Variants in FGF14 observed in about 807,000 individuals in gnomAD.
FGF14 encodes the protein fibroblast growth factor homologous factor 4.
FGF14 carries 5 observed loss-of-function variants against 25.5 expected under a neutral mutation model. The ratio of observed to expected loss-of-function variants is 0.20; its 90% CI spans 0.10 to 0.41. FGF14 has a LOEUF of 0.41. Ranked by LOEUF, FGF14 falls within the 10% of genes least tolerant of loss-of-function variation. The pLI is 1.00. For synonymous variants in FGF14, 138 were observed against 118.3 expected, an observed-to-expected ratio of 1.17 and a Z score of -1.08; for missense variants, 222 against 320.1, an observed-to-expected ratio of 0.69 and a Z score of 2.34.
rs1302545776 is a variant in FGF14 at position 101,815,767 on chromosome 13, A to G, written c.408+52958T>C. Among the ~76,000 whole-genome samples, 5 of 152,182 alleles carry G rather than the reference A, an allele frequency of 3.3e-5. No individual in the cohort carries two copies. The East Asian group carries it at 9.7e-4, about 30-fold the overall frequency. On this transcript the variant is annotated intron_variant, in intron 3 of 4. Coordinates refer to ENST00000376143, the MANE Select transcript of FGF14 (RefSeq NM_004115.4). ...GTAGATTTCTCCTAAGCACTTTATC[A>G]AGAAGAAACTCGGTGGTTCTGAGTG...
At chr13:101,916,364 A>C (rs1305696463) in intron 1 of FGF14, 89 bp downstream of exon 1, 5 of 1,520,806 alleles carry the variant, frequency 3.3e-6, no homozygotes, top group Non-Finnish European at 4.6e-6. Flanking sequence ...GGCCGGGAAA[A>C]CCGAGGGAGG....
intron 3 of FGF14, among the ~76,000 whole-genome samples, chr13:101,782,917 G>C (rs1221879773): frequency 6.6e-6 from 1 of 152,118 alleles, no homozygotes; most frequent in African/African-American, 2.4e-5. Flanking sequence ...TGAGTCAAAT[G>C]GCATTTCTGT....
At chr13:101,732,924 T>A (rs1201720788) in intron 3 of FGF14, among the ~76,000 whole-genome samples, 2 of 152,114 alleles carry the variant, frequency 1.3e-5, no homozygotes, top group Non-Finnish European at 2.9e-5. Flanking sequence ...TCTACTAGAG[T>A]TTATCTGAGG....
intron 1 of FGF14, among the ~76,000 whole-genome samples, chr13:102,142,941 T>C (rs1039259754): frequency 6.6e-6 from 1 of 151,856 alleles, no homozygotes; most frequent in East Asian, 1.9e-4. Flanking sequence ...AATGCTCTAC[T>C]AAAATCTACA....
rs1019412843 is a variant in FGF14, at chr13:101,799,570, G to A, written c.408+69155C>T. The stretch of plus-strand genomic sequence containing the variant: ...TGCGTGGCAATGACAGAAACAGTGA[G>A]CAGCCGATCATTTGGGGGAAATTGA... On this transcript the variant is annotated intron_variant, in intron 3 of 4. Transcript: ENST00000376143. Among the ~76,000 whole-genome samples, 12 of 152,242 alleles carry A rather than the reference G, an allele frequency of 7.9e-5. No individual in the cohort carries two copies. In the East Asian group the frequency reaches 1.7e-3, roughly 22 times the overall value.
chr13:102,061,109 G>A (rs2042669696), intron 1 of FGF14, among the ~76,000 whole-genome samples: 3 of 152,198 alleles, frequency 2.0e-5, no homozygotes, highest in South Asian at 2.1e-4. Context: ...TCGGCTGAGA[G>A]CTACTTCCAC....
In FGF14 at chr13:101,869,296, A is replaced by T. The variant is rs1427067062; in HGVS notation, c.305-468T>A. ...TTCCAAAACTAAATGACGGTGGTAG[A>T]ACCAATATGATACGCCAGCGAAGCC... On this transcript the variant is annotated intron_variant, in intron 2 of 4. Coordinates refer to ENST00000376143, the MANE Select transcript of FGF14 (RefSeq NM_004115.4). Among the ~76,000 whole-genome samples the T allele has an allele frequency of 2.0e-5, 3 of 152,182 alleles. No individual in the cohort carries two copies. The East Asian group carries it at 5.8e-4, about 29-fold the overall frequency.
At chr13:102,340,594 A>G (rs1360226429) in intron 1 of FGF14, among the ~76,000 whole-genome samples, 3 of 152,220 alleles carry the variant, frequency 2.0e-5, no homozygotes, top group Non-Finnish European at 4.4e-5. Context: ...TTGTCTAACT[A>G]TCATATTTCC....
Position 101,901,086 on chromosome 13 carries a change from G to A in FGF14, c.193+15367C>T, listed in dbSNP as rs143072050. Reference sequence around the variant, plus strand: ...TAAAAGCTAGGAATGGACAGAAAGAGGATTATAATTTTTCCCACAGGTTGG... The same window carrying A: ...TAAAAGCTAGGAATGGACAGAAAGAAGATTATAATTTTTCCCACAGGTTGG... On this transcript the variant is annotated intron_variant, in intron 1 of 4. Coordinates refer to ENST00000376143, the MANE Select transcript of FGF14 (RefSeq NM_004115.4). Among the ~76,000 whole-genome samples the A allele has an allele frequency of 9.7e-3, 1,472 of 152,090 alleles. 11 individuals are homozygous for A. The highest frequency in any genetic ancestry group is 0.016 in the Non-Finnish European group (1,075 of 67,998).
chr13:101,923,552 C>T (rs117270486), intron 1 of FGF14, among the ~76,000 whole-genome samples: 2,604 of 152,006 alleles, frequency 0.017, 39 homozygotes, highest in Non-Finnish European at 0.024. Flanking sequence ...ACTGCTTATC[C>T]GCTCATTACA....
At position 102,006,112 on chromosome 13, in the gene FGF14, C is replaced by G. The variant is rs143484466; in HGVS notation, c.209-130816G>C. On this transcript the variant is annotated intron_variant, in intron 1 of 4. Coordinates refer to the FGF14 transcript ENST00000376131. ...TTAGTGCTACAAAGGGCTCAAGAGA[C>G]AAATGGGACATATTCTGTCATTAAG... Among the ~76,000 whole-genome samples the G allele has an allele frequency of 5.9e-3, 901 of 152,178 alleles. 9 individuals are homozygous for G. Among genetic ancestry groups the G allele is most frequent in the African/African-American group, 0.02 (844 of 41,530 alleles).
At chr13:101,892,049 T>C (rs1258421571) in intron 1 of FGF14, among the ~76,000 whole-genome samples, 5 of 152,114 alleles carry the variant, frequency 3.3e-5, no homozygotes, top group Non-Finnish European at 7.4e-5. Context: ...CTTGGCAGAC[T>C]TACAGGAGAA....
exon 1 of FGF14, chr13:102,401,472 A>T (rs370684642): frequency 1.9e-6 from 3 of 1,613,924 alleles, no homozygotes; most frequent in Non-Finnish European, 2.5e-6. Flanking sequence ...TTCGCTTACC[A>T]GTTGGGTTCT....
Position 101,712,510 on chromosome 13 carries a change from T to C in FGF14, c.*10321A>G, listed in dbSNP as rs2034515808. On this transcript the variant is annotated 3_prime_UTR_variant, in exon 5 of 5. Coordinates refer to ENST00000376143, the MANE Select transcript of FGF14 (RefSeq NM_004115.4). ...GTTTGAAGATGAAATATAAGATATT[T>C]CATGAATTGTGACATATATAAAATG... 6.6e-6 allele frequency: 1 copy of C among 152,194 alleles called. No homozygotes were observed. Among genetic ancestry groups the C allele is most frequent in the Non-Finnish European group, 1.5e-5 (1 of 68,042 alleles). 9.4% of individuals were successfully genotyped at this position (152,194 alleles called of 1,614,324 possible).
At position 101,729,628 on chromosome 13, in the gene FGF14, T is replaced by C. The variant is rs1386790540; in HGVS notation, c.409-2818A>G. The stretch of plus-strand genomic sequence containing the variant: ...TAGTTGGGATGATTGAGTGAATAAA[T>C]ACGTATTACACATTTAGAAGAGAAC... On this transcript the variant is annotated intron_variant, in intron 3 of 4. Transcript: ENST00000376143. Among the ~76,000 whole-genome samples, 4 of 152,112 alleles carry C rather than the reference T, an allele frequency of 2.6e-5. No individual in the cohort carries two copies. The East Asian group carries it at 7.7e-4, about 29-fold the overall frequency.
chr13:101,850,730 GATAT>G (rs1484985366), intron 3 of FGF14, among the ~76,000 whole-genome samples: 2 of 147,118 alleles, frequency 1.4e-5, no homozygotes, highest in South Asian at 2.1e-4. Flanking sequence ...AGAGAGAGAA[GATAT>G]ATAGAGTGTG....
chr13:102,338,043 A>G (rs1323864488), intron 1 of FGF14, among the ~76,000 whole-genome samples: 2 of 152,088 alleles, frequency 1.3e-5, no homozygotes, highest in Non-Finnish European at 2.9e-5. Context: ...ATGCCTGTAC[A>G]TTCAAGGGAA....
intron 1 of FGF14, among the ~76,000 whole-genome samples, chr13:102,291,930 T>C (rs1249268831): frequency 6.6e-6 from 1 of 152,024 alleles, no homozygotes; most frequent in Non-Finnish European, 1.5e-5. Flanking sequence ...ACTTAAAGTA[T>C]AAAACTTGGA....
intron 1 of FGF14, among the ~76,000 whole-genome samples, chr13:102,130,686 AAG>A (rs1184214329): frequency 1.3e-5 from 2 of 152,274 alleles, no homozygotes; most frequent in Admixed American, 6.5e-5. Context: ...ATAAAGTAAA[AAG>A]AGAGCGTACA....
Sources: gnomAD v4.1 joint callset for allele counts (sites outside exome capture counted in the v4.1 genomes callset) on GRCh38, gnomAD v4.1.1 for gene constraint, MANE v1.5 for transcripts, NCBI Gene and HGNC (gene_info 2026-07-23, HGNC 2026-07-21) for gene names.